The following DYRK4 variants were observed in gnomAD, a reference collection of about 807,000 sequenced individuals.
DYRK4 encodes dual specificity tyrosine phosphorylation regulated kinase 4, also known as dual specificity tyrosine-phosphorylation-regulated kinase 4.
A neutral mutation model predicts 68.3 loss-of-function variants in DYRK4; 64 were observed. The observed-to-expected ratio is 0.94, with a 90% CI of 0.77 to 1.15. The LOEUF (loss-of-function observed/expected upper bound fraction) is 1.15, where lower values mean the gene tolerates loss of function less well. Among genes scored for constraint, DYRK4 ranks in the 50% most tolerant of loss-of-function variants. The pLI is 0.00. For missense variants in DYRK4, 740 were observed against 764.7 expected, an observed-to-expected ratio of 0.97 and a Z score of 0.38; for synonymous variants, 274 against 289.9, an observed-to-expected ratio of 0.95 and a Z score of 0.56.
chr12:4,584,845 G>T (rs1244779527), intron 2 of DYRK4, among the ~76,000 whole-genome samples: 1 of 152,120 alleles, frequency 6.6e-6, no homozygotes, highest in Non-Finnish European at 1.5e-5. Flanking sequence ...GTGAGCCACC[G>T]CGCCTGGCCT....
intron 8 of DYRK4, among the ~76,000 whole-genome samples, chr12:4,598,429 A>C (rs1271286576): frequency 6.6e-6 from 1 of 152,208 alleles, no homozygotes; most frequent in African/African-American, 2.4e-5. Context: ...ATTAGTTTCT[A>C]ACATTCGTAA....
chr12:4,568,194 G>A, intron 2 of DYRK4, 146 bp downstream of exon 2: 1 of 728,654 alleles, frequency 1.4e-6, no homozygotes, highest in South Asian at 1.9e-5. Context: ...GATTGGCAGG[G>A]CCAAATCTGG....
At chr12:4,576,910 T>C (rs773440695) in intron 2 of DYRK4, among the ~76,000 whole-genome samples, 2 of 152,244 alleles carry the variant, frequency 1.3e-5, no homozygotes, top group Non-Finnish European at 2.9e-5. Context: ...ACACAATCCC[T>C]TCTCAGATAT....
intron 13 of DYRK4, among the ~76,000 whole-genome samples, chr12:4,611,718 C>T (rs1945223367): frequency 6.6e-6 from 1 of 152,266 alleles, no homozygotes. Flanking sequence ...AGAAGCTATT[C>T]CCACCATGAT....
In DYRK4 at chr12:4,593,276, C is replaced by T. The variant is rs562162234; in HGVS notation, c.627+111C>T. On this transcript the variant is annotated intron_variant, in intron 6 of 14. Coordinates refer to ENST00000543431, the MANE Select transcript of DYRK4 (RefSeq NM_001394779.1). ...GTATTTGGGGCTGATACGTTGGAGACTAGATATCCTGAAGTATTCTGGTAG... is the reference window on the plus strand; with the variant it reads ...GTATTTGGGGCTGATACGTTGGAGATTAGATATCCTGAAGTATTCTGGTAG... 4.1e-6 allele frequency: 5 copies of T among 1,227,944 alleles called. No individual in the cohort carries two copies. In the Admixed American group the frequency reaches 8.1e-5, roughly 20 times the overall value. 76.1% of individuals were successfully genotyped at this position (1,227,944 alleles called of 1,614,324 possible).
intron 3 of DYRK4, among the ~76,000 whole-genome samples, chr12:4,589,229 T>A (rs1944927487): frequency 6.6e-6 from 1 of 152,248 alleles, no homozygotes; most frequent in South Asian, 2.1e-4. Flanking sequence ...TTTTAATTTT[T>A]GTGGGTATAT....
chr12:4,592,861 C>A, intron 5 of DYRK4, 141 bp from the exon 6 acceptor site: 2 of 843,982 alleles, frequency 2.4e-6, no homozygotes, highest in Non-Finnish European at 1.8e-6. Flanking sequence ...TTGTGAGATG[C>A]CAGATGCAGG....
Position 4,613,680 on chromosome 12 carries a change from T to C in DYRK4, c.1832T>C (p.Val611Ala). The change falls in exon 15 of 15, where the codon GTG (valine) becomes GCG (alanine). Residue 611 changes from valine to alanine, a missense_variant. Physicochemically the swap from Val to Ala is moderately conservative, Grantham distance 64 (BLOSUM62 0). This residue lies in a region of DYRK4 where 614 missense variants were observed against 603.7 expected (regional missense o/e 1.02). Coordinates refer to ENST00000543431, the MANE Select transcript of DYRK4 (RefSeq NM_001394779.1). This position sits in a 1 kb window ranked among gnomAD's most constrained non-coding sequence, Gnocchi z 4.0. ...KKSEAAVGAE[V>A]SMTSPGQSKN... is the part of the protein sequence containing the mutation. ...TCAGAGGCAGCTGTCGGGGCGGAGGTGTCCATGACCTCCCCAGGACAGAGC... is the reference window on the plus strand; with the variant it reads ...TCAGAGGCAGCTGTCGGGGCGGAGGCGTCCATGACCTCCCCAGGACAGAGC... 1 of 1,612,818 alleles carries C rather than the reference T, an allele frequency of 6.2e-7. No homozygotes were observed. Among genetic ancestry groups the C allele is most frequent in the Non-Finnish European group, 8.5e-7 (1 of 1,178,946 alleles).
intron 13 of DYRK4, among the ~76,000 whole-genome samples, chr12:4,611,779 G>C (rs757860497): frequency 2.6e-5 from 4 of 152,206 alleles, no homozygotes; most frequent in Admixed American, 6.5e-5. Context: ...AAGGTGGTCA[G>C]ATGGTGAAAA....
At chr12:4,605,501 A>G (rs887280777) in intron 11 of DYRK4, among the ~76,000 whole-genome samples, 2 of 151,810 alleles carry the variant, frequency 1.3e-5, no homozygotes, top group African/African-American at 4.8e-5. Flanking sequence ...TCTTTTTTCT[A>G]CTTCCTCTAT....
At chr12:4,593,240 G>A (rs757254983) in intron 6 of DYRK4, 75 bp downstream of exon 6, 104 of 1,535,886 alleles carry the variant, frequency 6.8e-5, no homozygotes, top group African/African-American at 2.4e-4. Context: ...AAAAAGCAAC[G>A]GTATTTTGTA....
At position 4,612,648 on chromosome 12, in the gene DYRK4, A is replaced by G; in HGVS notation, c.1596A>G (p.Lys532=). The G allele has an allele frequency of 6.2e-7, 1 of 1,614,176 alleles. No individual in the cohort carries two copies. Among genetic ancestry groups the G allele is most frequent in the South Asian group, 1.1e-5 (1 of 91,080 alleles). ...KPQPRPQTLR[K]SNSFFPSETR... ...AGCCCAGGCCCCAGACCCTGAGGAA[A>G]TCCAATTCCTTTTTCCCCTCTGAGA... The change falls in exon 14 of 15, where the codon AAA becomes AAG. Residue 532 remains lysine, a synonymous_variant. Coordinates refer to ENST00000543431, the MANE Select transcript of DYRK4 (RefSeq NM_001394779.1).
At chr12:4,588,903 A>G (rs982214957) in intron 2 of DYRK4, 34 bp from the exon 3 acceptor site, 2 of 1,529,384 alleles carry the variant, frequency 1.3e-6, no homozygotes, top group Admixed American at 2.0e-5. Flanking sequence ...AAGCCATGCC[A>G]AGCATTGTTC....
At chr12:4,590,100 C>T in intron 3 of DYRK4, 1 of 1,252,756 alleles carries the variant, frequency 8.0e-7, no homozygotes, top group South Asian at 2.5e-5. Context: ...TGAAAGCCTG[C>T]AGCTAGTAAG....
chr12:4,600,203 T>G (rs1945065473), intron 10 of DYRK4, among the ~76,000 whole-genome samples: 1 of 152,184 alleles, frequency 6.6e-6, no homozygotes, highest in Non-Finnish European at 1.5e-5. Flanking sequence ...TTTTATTCTT[T>G]TTCAAGCTAG....
chr12:4,589,075 C>T, intron 3 of DYRK4, 58 bp downstream of exon 3: 1 of 1,498,826 alleles, frequency 6.7e-7, no homozygotes, highest in East Asian at 2.5e-5. Context: ...GGTGGGTGGC[C>T]AGGGTAGCTT....
Position 4,591,510 on chromosome 12 carries a change from G to C in DYRK4, c.463+212G>C, listed in dbSNP as rs1944954358. 1.6e-6 allele frequency: 1 copy of C among 629,062 alleles called. No homozygotes were observed. Among genetic ancestry groups the C allele is most frequent in the Non-Finnish European group, 2.6e-6 (1 of 388,416 alleles). The allele number at this position is 629,062 out of a possible 1,614,324, so 39.0% of individuals were successfully genotyped here. ...TAGGAGGCTGAATTTCCCCCAAGGA[G>C]TGGCTCTGGGCAAGGGCGGGATGTA... On this transcript the variant is annotated intron_variant, in intron 5 of 14. Coordinates refer to ENST00000543431, the MANE Select transcript of DYRK4 (RefSeq NM_001394779.1). The surrounding 1 kb of genome is among the most constrained non-coding windows in gnomAD (Gnocchi z 4.1).
chr12:4,597,943 G>C (rs192728021), intron 8 of DYRK4, among the ~76,000 whole-genome samples: 1 of 152,314 alleles, frequency 6.6e-6, no homozygotes, highest in East Asian at 1.9e-4. Flanking sequence ...GTGCGTGCCT[G>C]TAATCCCAGC....
intron 2 of DYRK4, among the ~76,000 whole-genome samples, chr12:4,570,531 A>T (rs1944720790): frequency 6.6e-6 from 1 of 152,236 alleles, no homozygotes; most frequent in African/African-American, 2.4e-5. Flanking sequence ...TTCAGTGGAC[A>T]GTTGTGATAC....
Sources: allele counts gnomAD v4.1 joint callset (sites outside exome capture counted in the v4.1 genomes callset), GRCh38; gene constraint gnomAD v4.1.1; regional missense constraint gnomAD v4.1.1; non-coding constraint Gnocchi (gnomAD v3.1); transcripts MANE v1.5; gene names NCBI Gene and HGNC (gene_info 2026-07-23, HGNC 2026-07-21).